DUSP29: variants seen among roughly 807,000 people sequenced by gnomAD.
DUSP29 encodes dual specificity phosphatase 29, also known as atypical dual-specific protein phosphatase.
Under a neutral mutation model 13.5 loss-of-function variants are expected in DUSP29, and 12 were observed. The observed-to-expected ratio is 0.89, with a 90% CI of 0.57 to 1.44. The LOEUF (loss-of-function observed/expected upper bound fraction) is 1.44, where lower values mean the gene tolerates loss of function less well. DUSP29 is among the 40% of genes most tolerant of loss of function. DUSP29 has a pLI of 0.00. For missense variants in DUSP29, 308 were observed against 301.1 expected, an observed-to-expected ratio of 1.02 and a Z score of -0.17; for synonymous variants, 134 against 128.7, an observed-to-expected ratio of 1.04 and a Z score of -0.28.
intron 3 of DUSP29, among the ~76,000 whole-genome samples, chr10:75,041,046 G>C (rs907615725): frequency 2.0e-5 from 3 of 152,208 alleles, no homozygotes; most frequent in African/African-American, 7.2e-5. Context: ...ACAAGAGGAA[G>C]CAAGGAGTGA....
At chr10:75,060,023 A>G (rs1564644760) in intron 1 of DUSP29, among the ~76,000 whole-genome samples, 1 of 151,720 alleles carries the variant, frequency 6.6e-6, no homozygotes. Context: ...AGCCGGGTGT[A>G]GTGGCGGGTG....
chr10:75,062,341 G>C (rs1211740321), intron 1 of DUSP29, among the ~76,000 whole-genome samples: 1 of 152,244 alleles, frequency 6.6e-6, no homozygotes, highest in Non-Finnish European at 1.5e-5. Context: ...ATTTTCGGGA[G>C]ACGCTAGAGT....
At chr10:75,051,327 C>T (rs952285162) in intron 2 of DUSP29, among the ~76,000 whole-genome samples, 1 of 152,246 alleles carries the variant, frequency 6.6e-6, no homozygotes, top group African/African-American at 2.4e-5. Context: ...GATGAATGTA[C>T]TGGGCACCGT....
chr10:75,049,743 G>A (rs1846788004), intron 2 of DUSP29, among the ~76,000 whole-genome samples: 1 of 152,236 alleles, frequency 6.6e-6, no homozygotes, highest in Non-Finnish European at 1.5e-5. Flanking sequence ...GGGAGAAGGA[G>A]CTGTCTCAGC....
In DUSP29 at chr10:75,042,233, G is replaced by A. The variant is rs149706579; in HGVS notation, c.421+1564C>T. On this transcript the variant is annotated intron_variant, in intron 3 of 3. Transcript: ENST00000338487. ...AACCAAGGCTCAGAGAAATCACATC[G>A]TTAGTAAATTGTGTGACAGAAATGT... Among the ~76,000 whole-genome samples the A allele has an allele frequency of 6.0e-3, 919 of 152,320 alleles. 5 individuals carry two copies. The highest frequency in any genetic ancestry group is 0.021 in the African/African-American group (860 of 41,556).
intron 1 of DUSP29, among the ~76,000 whole-genome samples, chr10:75,068,564 G>A (rs2134307831): frequency 6.6e-6 from 1 of 152,000 alleles, no homozygotes; most frequent in East Asian, 1.9e-4. Flanking sequence ...CTAAAGCATG[G>A]CGCTCATGGG....
chr10:75,064,400 TGGGAGGCTGAG>T (rs1354594506), intron 1 of DUSP29, among the ~76,000 whole-genome samples: 1 of 152,086 alleles, frequency 6.6e-6, no homozygotes, highest in East Asian at 1.9e-4. Flanking sequence ...CCCAGTGACT[TGGGAGGCTGAG>T]GCAGGAGAAT....
chr10:75,067,515 A>T (rs12780791), intron 1 of DUSP29, among the ~76,000 whole-genome samples: 3,336 of 152,146 alleles, frequency 0.022, 55 homozygotes, highest in Non-Finnish European at 0.034. Flanking sequence ...GGGTCACGAG[A>T]AGGAATGAGG....
At chr10:75,070,670 G>A (rs1847310261) in intron 1 of DUSP29, among the ~76,000 whole-genome samples, 1 of 152,026 alleles carries the variant, frequency 6.6e-6, no homozygotes, top group Non-Finnish European at 1.5e-5. Context: ...TGGCCGGGGC[G>A]GAGGTCTTGG....
At chr10:75,069,030 A>G (rs1431249565) in intron 1 of DUSP29, among the ~76,000 whole-genome samples, 1 of 152,194 alleles carries the variant, frequency 6.6e-6, no homozygotes, top group Non-Finnish European at 1.5e-5. Context: ...GAATTAATAT[A>G]AAATCCTTTT....
intron 2 of DUSP29, among the ~76,000 whole-genome samples, chr10:75,046,295 T>G (rs921184418): frequency 6.6e-5 from 10 of 152,258 alleles, no homozygotes; most frequent in Non-Finnish European, 5.9e-5. Context: ...AGACCAGGAC[T>G]TCAGCTCAGG....
rs1455914001 is a variant in DUSP29 at position 75,041,999 on chromosome 10, T to C, written c.421+1798A>G. The stretch of plus-strand genomic sequence containing the variant: ...TATCTTACAGTTCAAAGTTGGAATG[T>C]CTTTTTTTTTTCTTTGAGGATTGGA... On this transcript the variant is annotated intron_variant, in intron 3 of 3. Coordinates refer to ENST00000338487, the MANE Select transcript of DUSP29 (RefSeq NM_001003892.3). Among the ~76,000 whole-genome samples the C allele has an allele frequency of 3.9e-5, 6 of 152,170 alleles. No individual in the cohort carries two copies. The East Asian group carries it at 1.2e-3, about 29-fold the overall frequency.
intron 3 of DUSP29, among the ~76,000 whole-genome samples, chr10:75,043,018 C>T (rs772704155): frequency 1.3e-5 from 2 of 152,238 alleles, no homozygotes; most frequent in African/African-American, 2.4e-5. Context: ...AGCCTTGTAG[C>T]CTTTGCTGGA....
In DUSP29 at chr10:75,038,151, A is replaced by T. The variant is rs956311430; in HGVS notation, c.422-74T>A. 19 of 1,535,950 alleles carry T rather than the reference A, an allele frequency of 1.2e-5. No individual in the cohort carries two copies. In the South Asian group the frequency reaches 2.4e-4, roughly 19 times the overall value. On this transcript the variant is annotated intron_variant, in intron 3 of 3. Transcript: ENST00000338487. ...GGGGGCACAGGTAGGGCCCACTCCC[A>T]TCCTGACTGTCACCCTCTCGCCCAC...
chr10:75,073,258 G>A (rs1051585784), intron 1 of DUSP29, among the ~76,000 whole-genome samples: 2 of 151,790 alleles, frequency 1.3e-5, no homozygotes, highest in East Asian at 1.9e-4. Flanking sequence ...GTAGAACCTC[G>A]TTGGAATGTG....
In DUSP29 at chr10:75,037,992, G is replaced by A; in HGVS notation, c.507C>T (p.Thr169=). 1 of 1,613,920 alleles carries A rather than the reference G, an allele frequency of 6.2e-7. No homozygotes were observed. The highest frequency in any genetic ancestry group is 8.5e-7 in the Non-Finnish European group (1 of 1,180,040). Residue 169 remains threonine (T), a synonymous_variant, in exon 4 of 4, where the codon ACC becomes ACT. Coordinates refer to ENST00000338487, the MANE Select transcript of DUSP29 (RefSeq NM_001003892.3). ...LAYLMIHKDM[T]LVDAIQQVAK... ...CCACTTGCTGGATGGCGTCCACCAGGGTCATGTCCTTGTGGATCATCAGGT... is the reference window on the plus strand; with the variant it reads ...CCACTTGCTGGATGGCGTCCACCAGAGTCATGTCCTTGTGGATCATCAGGT...
At chr10:75,049,657 C>T (rs1296772082) in intron 2 of DUSP29, among the ~76,000 whole-genome samples, 1 of 152,238 alleles carries the variant, frequency 6.6e-6, no homozygotes, top group Non-Finnish European at 1.5e-5. Context: ...ACTGGCCACA[C>T]CACCCACACC....
At chr10:75,067,094 C>T (rs987914935) in intron 1 of DUSP29, among the ~76,000 whole-genome samples, 3 of 151,264 alleles carry the variant, frequency 2.0e-5, no homozygotes, top group African/African-American at 4.9e-5. Flanking sequence ...CAAGCAGACA[C>T]GACTACAGGT....
At chr10:75,043,439 A>G (rs1846627504) in intron 3 of DUSP29, among the ~76,000 whole-genome samples, 1 of 152,202 alleles carries the variant, frequency 6.6e-6, no homozygotes, top group African/African-American at 2.4e-5. Context: ...ACTCCGACCA[A>G]AAGGCCTTTT....
Sources: allele counts gnomAD v4.1 joint callset (sites outside exome capture counted in the v4.1 genomes callset), GRCh38; gene constraint gnomAD v4.1.1; transcripts MANE v1.5; gene names NCBI Gene and HGNC (gene_info 2026-07-23, HGNC 2026-07-21).